The following SCP2 variants were observed in gnomAD, a reference collection of about 807,000 sequenced individuals.
SCP2 encodes sterol carrier protein 2.
Under a neutral mutation model 71.4 loss-of-function variants are expected in SCP2, and 48 were observed. The ratio of observed to expected loss-of-function variants is 0.67; its 90% CI spans 0.53 to 0.86. The LOEUF (loss-of-function observed/expected upper bound fraction) is 0.86, where lower values mean the gene tolerates loss of function less well. SCP2 is among the 40% of genes least tolerant of loss of function. The pLI, the probability that SCP2 is intolerant of heterozygous loss-of-function variation, is 0.00. For synonymous variants in SCP2, 220 were observed against 218.1 expected (o/e 1.01, Z -0.08); for missense variants, 560 against 655.6 (o/e 0.85, Z 1.59).
At position 53,015,073 on chromosome 1, in the gene SCP2, G is replaced by A. The variant is rs7529265; in HGVS notation, c.1235+30G>A. ...GTGACATTCAGAGTTTTGTGTGTCA[G>A]TTAATCCTTCTGACTTTTCACAGTT... On this transcript the variant is annotated intron_variant, in intron 12 of 15. Coordinates refer to ENST00000371514, the MANE Select transcript of SCP2 (RefSeq NM_002979.5). 155,103 of 1,605,580 alleles carry A rather than the reference G, an allele frequency of 0.097. 11,677 individuals are homozygous for A. Among genetic ancestry groups the A allele is most frequent in the East Asian group, 0.32 (14,516 of 44,788 alleles).
At chr1:53,023,862 C>T (rs7535959) in intron 12 of SCP2, among the ~76,000 whole-genome samples, 20,845 of 151,966 alleles carry the variant, frequency 0.14, 2,035 homozygotes, top group East Asian at 0.32. Flanking sequence ...TTCCTTTCAC[C>T]CTCACTCTCT....
chr1:52,979,228 G>A (rs1005889293), intron 9 of SCP2, among the ~76,000 whole-genome samples: 8 of 152,026 alleles, frequency 5.3e-5, no homozygotes, highest in African/African-American at 1.9e-4. Flanking sequence ...CTGGAGCGTG[G>A]TGGTGCGATC....
intron 11 of SCP2, among the ~76,000 whole-genome samples, chr1:52,999,284 G>C (rs925508209): frequency 2.0e-5 from 3 of 152,234 alleles, no homozygotes; most frequent in African/African-American, 7.2e-5. Context: ...CACAATGACA[G>C]TTATGAGTAG....
intron 8 of SCP2, 49 bp from the exon 9 acceptor site, chr1:52,978,168 T>C (rs1658151364): frequency 6.3e-7 from 1 of 1,589,172 alleles, no homozygotes; most frequent in Non-Finnish European, 8.6e-7. Flanking sequence ...TCTGAAATCC[T>C]CCGATCAGGT....
intron 12 of SCP2, 29 bp downstream of exon 12, chr1:53,015,072 A>T: frequency 6.2e-7 from 1 of 1,608,764 alleles, no homozygotes; most frequent in Non-Finnish European, 8.5e-7. Flanking sequence ...TTTGTGTGTC[A>T]GTTAATCCTT....
chr1:53,001,240 G>A (rs964037126), intron 11 of SCP2, among the ~76,000 whole-genome samples: 10 of 152,094 alleles, frequency 6.6e-5, no homozygotes, highest in African/African-American at 2.4e-4. Flanking sequence ...AGAATGTGCT[G>A]TAGAAGAAGT....
At chr1:52,931,868 A>G (rs1653183291) in intron 1 of SCP2, among the ~76,000 whole-genome samples, 1 of 152,230 alleles carries the variant, frequency 6.6e-6, no homozygotes, top group South Asian at 2.1e-4. Context: ...GAACAAAAGA[A>G]AACCTAAACT....
intron 12 of SCP2, among the ~76,000 whole-genome samples, chr1:53,026,176 T>C (rs1330426123): frequency 6.6e-6 from 1 of 152,234 alleles, no homozygotes; most frequent in African/African-American, 2.4e-5. Flanking sequence ...ACTAATTTAA[T>C]ACATTCATGT....
intron 13 of SCP2, among the ~76,000 whole-genome samples, chr1:53,037,922 A>ACAC (rs1553155288): frequency 0.044 from 5,846 of 133,918 alleles, 251 homozygotes; most frequent in African/African-American, 0.085. Context: ...ACACACACAC[A>ACAC]CACACACAGA....
Position 53,038,975 on chromosome 1 carries a change from G to T in SCP2, c.1397G>T (p.Gly466Val). ...ATTTTTGCCTTCAAGGTGAAAGATG[G>T]CCCTGGGGGTAAAGAGGCCACCTGG... The part of the protein sequence containing the change: ...GGIFAFKVKD[G>V]PGGKEATWVV... The change falls in exon 14 of 16, where the codon GGC becomes GTC. Residue 466 changes from glycine (G) to valine (V), a missense_variant. By Grantham distance (109) the Gly-to-Val change is moderately radical. This residue lies in a region of SCP2 where 513 missense variants were observed against 573.1 expected (regional missense o/e 0.90). Coordinates refer to ENST00000371514, the MANE Select transcript of SCP2 (RefSeq NM_002979.5). 2.5e-6 allele frequency: 4 copies of T among 1,614,142 alleles called. No individual in the cohort carries two copies. The highest frequency in any genetic ancestry group is 3.4e-6 in the Non-Finnish European group (4 of 1,179,998).
At chr1:52,975,949 C>A (rs1326448771) in intron 7 of SCP2, among the ~76,000 whole-genome samples, 1 of 152,164 alleles carries the variant, frequency 6.6e-6, no homozygotes, top group African/African-American at 2.4e-5. Flanking sequence ...ACCACAAATC[C>A]AGGGGCTCCC....
chr1:52,991,491 C>A (rs1400132737), intron 11 of SCP2, among the ~76,000 whole-genome samples: 1 of 152,078 alleles, frequency 6.6e-6, no homozygotes, highest in Non-Finnish European at 1.5e-5. Flanking sequence ...ACCTCCGCCT[C>A]CCAGGTTCAA....
At position 52,941,822 on chromosome 1, in the gene SCP2, AAG is replaced by A; in HGVS notation, c.100_101del (p.Asp34LeufsTer3). ...TTGTGAAGCCTGGAGCTGAGAATTCAAGAGACTACCCTGACTTGGCAGAAGAA... is the reference window on the plus strand; with the variant it reads ...TTGTGAAGCCTGGAGCTGAGAATTCAAGACTACCCTGACTTGGCAGAAGAA... ...KFVKPGAENSRDYPDLAEEAG... is the reference protein window; with the variant it reads ...KFVKPGAENSXDYPDLAEEAG... On this transcript the variant is annotated frameshift_variant, in exon 2 of 16. Coordinates refer to ENST00000371514, the MANE Select transcript of SCP2 (RefSeq NM_002979.5). LOFTEE classifies it high-confidence loss of function. 1 of 1,607,456 alleles carries A rather than the reference AAG, an allele frequency of 6.2e-7. No individual in the cohort carries two copies. Among genetic ancestry groups the A allele is most frequent in the African/African-American group, 1.3e-5 (1 of 74,912 alleles).
chr1:52,980,842 A>G (rs1658420388), intron 10 of SCP2, among the ~76,000 whole-genome samples: 2 of 152,222 alleles, frequency 1.3e-5, no homozygotes, highest in Admixed American at 6.5e-5. Flanking sequence ...TATTCTTTGC[A>G]TGAGATTTTA....
At chr1:52,958,929 T>C (rs1437422683) in intron 5 of SCP2, among the ~76,000 whole-genome samples, 1 of 152,144 alleles carries the variant, frequency 6.6e-6, no homozygotes, top group Non-Finnish European at 1.5e-5. Flanking sequence ...TTCTTTCCAT[T>C]GTGCAGGTTG....
chr1:52,930,631 A>C (rs1653065368), intron 1 of SCP2, among the ~76,000 whole-genome samples: 1 of 152,114 alleles, frequency 6.6e-6, no homozygotes, highest in Admixed American at 6.5e-5. Flanking sequence ...TGTCTCAAAA[A>C]AAAAGTGCTG....
At chr1:53,025,248 A>G (rs1393950518) in intron 12 of SCP2, among the ~76,000 whole-genome samples, 4 of 152,120 alleles carry the variant, frequency 2.6e-5, no homozygotes, top group Non-Finnish European at 5.9e-5. Flanking sequence ...TTCCTCTTGC[A>G]TCACTGGCTG....
intron 9 of SCP2, among the ~76,000 whole-genome samples, chr1:52,978,794 T>G (rs2150170832): frequency 6.6e-6 from 1 of 152,208 alleles, no homozygotes; most frequent in South Asian, 2.1e-4. Context: ...AATTCCTGGC[T>G]CAAGTGATCC....
intron 9 of SCP2, among the ~76,000 whole-genome samples, chr1:52,978,996 C>CA (rs1658228865): frequency 6.6e-6 from 1 of 152,112 alleles, no homozygotes; most frequent in Non-Finnish European, 1.5e-5. Flanking sequence ...AAGACATACA[C>CA]ACAATACACA....
Sources: allele counts gnomAD v4.1 joint callset (sites outside exome capture counted in the v4.1 genomes callset), GRCh38; gene constraint gnomAD v4.1.1; regional missense constraint gnomAD v4.1.1; transcripts MANE v1.5; gene names NCBI Gene and HGNC (gene_info 2026-07-23, HGNC 2026-07-21).